The following DOCK1 variants were observed in gnomAD, a reference collection of about 807,000 sequenced individuals.
DOCK1 encodes the protein dedicator of cytokinesis protein 1.
A neutral mutation model predicts 262.7 loss-of-function variants in DOCK1; 138 were observed. The observed-to-expected ratio is 0.53, with a 90% confidence interval of 0.46 to 0.61. The LOEUF (loss-of-function observed/expected upper bound fraction) is 0.61, where lower values mean the gene tolerates loss of function less well. Among genes scored for constraint, DOCK1 ranks in the 20% least tolerant of loss-of-function variants. The pLI is 0.00. For missense variants in DOCK1, 1,908 were observed against 2,370.7 expected, an observed-to-expected ratio of 0.80 and a Z score of 4.05; for synonymous variants, 866 against 867.4, an observed-to-expected ratio of 1.00 and a Z score of 0.03.
At chr10:127,444,077 T>A in intron 49 of DOCK1, 49 bp from the exon 50 acceptor site, 1 of 1,545,336 alleles carries the variant, frequency 6.5e-7, no homozygotes, top group Non-Finnish European at 8.7e-7. Flanking sequence ...GAAACGCAAC[T>A]CAGCCCATAA....
chr10:127,164,115 C>T (rs1261584454), intron 27 of DOCK1, among the ~76,000 whole-genome samples: 10 of 148,802 alleles, frequency 6.7e-5, no homozygotes, highest in Non-Finnish European at 7.4e-5. Flanking sequence ...GCTCCCTCTC[C>T]TCTCTTTCTC....
At chr10:127,148,115 A>G (rs946006859) in intron 27 of DOCK1, among the ~76,000 whole-genome samples, 37 of 151,454 alleles carry the variant, frequency 2.4e-4, no homozygotes, top group Admixed American at 1.6e-3. Flanking sequence ...CATGGAGTAC[A>G]CAGCAATGCG....
At chr10:127,190,301 GGAAGCCGTCTTCCTCTTTACTGCCTT>G (rs2056626205) in intron 27 of DOCK1, among the ~76,000 whole-genome samples, 1 of 152,124 alleles carries the variant, frequency 6.6e-6, no homozygotes, top group Non-Finnish European at 1.5e-5. Flanking sequence ...GTTCAGCCCT[GGAAGCCGTCTTCCTCTTTACTGCCTT>G]CTCACGGTGT....
chr10:126,949,063 C>G (rs1213928832), intron 1 of DOCK1, among the ~76,000 whole-genome samples: 1 of 152,158 alleles, frequency 6.6e-6, no homozygotes, highest in African/African-American at 2.4e-5. Context: ...ATCCTGGCCT[C>G]CCCTTTCTGG....
chr10:127,243,578 C>A (rs762720656), intron 27 of DOCK1, among the ~76,000 whole-genome samples: 15 of 152,136 alleles, frequency 9.9e-5, no homozygotes, highest in Non-Finnish European at 1.8e-4. Context: ...TATCAACCTA[C>A]CTAGTGAAAT....
At chr10:127,407,350 C>G (rs1565067057) in intron 40 of DOCK1, among the ~76,000 whole-genome samples, 1 of 152,112 alleles carries the variant, frequency 6.6e-6, no homozygotes, top group South Asian at 2.1e-4. Context: ...GCGCCTTCCA[C>G]CTGTTCTCAT....
chr10:127,244,936 A>G (rs2059382250), intron 27 of DOCK1, among the ~76,000 whole-genome samples: 1 of 152,210 alleles, frequency 6.6e-6, no homozygotes, highest in South Asian at 2.1e-4. Context: ...AAATCAGTTA[A>G]AGCACAGAAT....
Position 127,106,267 on chromosome 10 carries a change from G to A in DOCK1, c.2482G>A (p.Asp828Asn). 4 of 1,597,962 alleles carry A rather than the reference G, an allele frequency of 2.5e-6. No individual in the cohort carries two copies. The highest frequency in any genetic ancestry group is 1.7e-5 in the Admixed American group (1 of 58,044). Residue 828 changes from aspartate (D) to asparagine (N), a missense_variant, in exon 24 of 52, where the codon GAT becomes AAT. Physicochemically the swap from Asp to Asn is conservative, Grantham distance 23. Around this residue, in one of 9 missense-constraint regions of DOCK1, gnomAD observed 518 missense variants for 575.1 expected, o/e 0.90. Coordinates refer to ENST00000623213, the MANE Select transcript of DOCK1 (RefSeq NM_001290223.2). Reference sequence around the variant, plus strand: ...GAAATACTTACCAACGATCGTCAACGATGTGAAATTGGTGTTTGATCCCAA... The same window carrying A: ...GAAATACTTACCAACGATCGTCAACAATGTGAAATTGGTGTTTGATCCCAA... ...ALKYLPTIVNDVKLVFDPKEL... is the reference protein window; with the variant it reads ...ALKYLPTIVNNVKLVFDPKEL...
intron 10 of DOCK1, among the ~76,000 whole-genome samples, chr10:127,006,543 GA>G (rs2041038106): frequency 6.6e-6 from 1 of 152,202 alleles, no homozygotes; most frequent in Non-Finnish European, 1.5e-5. Flanking sequence ...AAACTGCAGG[GA>G]GCACTCCCTC....
intron 29 of DOCK1, among the ~76,000 whole-genome samples, chr10:127,284,763 A>AATC (rs1199444774): frequency 6.6e-6 from 1 of 152,126 alleles, no homozygotes; most frequent in African/African-American, 2.4e-5. Flanking sequence ...AAATAACAGT[A>AATC]ATCATCATCA....
At chr10:127,353,688 C>T (rs551859725) in intron 31 of DOCK1, among the ~76,000 whole-genome samples, 10 of 152,228 alleles carry the variant, frequency 6.6e-5, no homozygotes, top group Middle Eastern at 3.2e-3. Flanking sequence ...TGGCCTCCCA[C>T]GCACCACAGC....
chr10:127,035,385 A>G (rs1387338463), intron 18 of DOCK1, among the ~76,000 whole-genome samples: 1 of 152,134 alleles, frequency 6.6e-6, no homozygotes, highest in African/African-American at 2.4e-5. Flanking sequence ...ATTAGAAAGG[A>G]GTCATGAATA....
chr10:127,035,449 C>T (rs531033191), intron 18 of DOCK1, among the ~76,000 whole-genome samples: 3 of 152,134 alleles, frequency 2.0e-5, no homozygotes, highest in African/African-American at 4.8e-5. Flanking sequence ...CTGCCTTGGG[C>T]AGCCTCATGG....
chr10:127,322,753 G>T (rs766131590), intron 29 of DOCK1, among the ~76,000 whole-genome samples: 2 of 152,190 alleles, frequency 1.3e-5, no homozygotes, highest in Admixed American at 6.5e-5. Flanking sequence ...CTGCTTTTGC[G>T]CTGTTATAAT....
In DOCK1 at chr10:127,168,458, CTT is replaced by C. The variant is rs1378675250; in HGVS notation, c.2847+40697_2847+40698del. On this transcript the variant is annotated intron_variant, in intron 27 of 51. Coordinates refer to ENST00000623213, the MANE Select transcript of DOCK1 (RefSeq NM_001290223.2). ...TCTCTCTGCTGCTCACAATGCCCTGCTTTTCTGTGATGCATCTGGCCAGAGCC... is the reference window on the plus strand; with the variant it reads ...TCTCTCTGCTGCTCACAATGCCCTGCTTCTGTGATGCATCTGGCCAGAGCC... 2.6e-5 allele frequency among the ~76,000 whole-genome samples: 4 copies of C among 152,246 alleles called. No homozygotes were observed. In the East Asian group the frequency reaches 7.7e-4, roughly 29 times the overall value.
intron 27 of DOCK1, among the ~76,000 whole-genome samples, chr10:127,190,596 A>G (rs2056650743): frequency 6.7e-6 from 1 of 149,730 alleles, no homozygotes; most frequent in African/African-American, 2.4e-5. Flanking sequence ...GAGATAATGA[A>G]AAACTTATTT....
intron 29 of DOCK1, among the ~76,000 whole-genome samples, chr10:127,329,391 G>C (rs1173271945): frequency 2.6e-5 from 4 of 151,820 alleles, no homozygotes; most frequent in African/African-American, 4.8e-5. Flanking sequence ...TGAGGCGGAG[G>C]TCTCTGGGGT....
Position 127,248,120 on chromosome 10 carries a change from C to G in DOCK1, c.2949+11C>G. ...AGGACTGATGTGGTAGTAAGTGTCC[C>G]TTTCACCCTGTTCACATAACCATGT... On this transcript the variant is annotated intron_variant, in intron 28 of 51. Transcript: ENST00000623213. 1 of 1,610,604 alleles carries G rather than the reference C, an allele frequency of 6.2e-7. No individual in the cohort carries two copies. Among genetic ancestry groups the G allele is most frequent in the East Asian group, 2.2e-5 (1 of 44,858 alleles).
At chr10:127,023,102 G>A in intron 13 of DOCK1, 98 bp from the exon 14 acceptor site, 2 of 1,330,086 alleles carry the variant, frequency 1.5e-6, no homozygotes, top group Non-Finnish European at 1.0e-6. Flanking sequence ...ATATGTATTT[G>A]TAATAATCTA....
Sources: allele counts gnomAD v4.1 joint callset (sites outside exome capture counted in the v4.1 genomes callset), GRCh38; gene constraint gnomAD v4.1.1; regional missense constraint gnomAD v4.1.1; transcripts MANE v1.5; gene names NCBI Gene and HGNC (gene_info 2026-07-23, HGNC 2026-07-21).